CADM2: variants seen among roughly 807,000 people sequenced by gnomAD.
CADM2 encodes immunoglobulin superfamily member 4D.
In CADM2, 12 loss-of-function variants were observed where a neutral mutation model predicts 49.8. That is an observed-to-expected ratio of 0.24 (90% CI 0.15 to 0.39). The LOEUF (loss-of-function observed/expected upper bound fraction) is 0.39. Among genes scored for constraint, CADM2 ranks in the 10% least tolerant of loss-of-function variants. The pLI, the probability that CADM2 is intolerant of heterozygous loss-of-function variation, is 1.00. For synonymous variants in CADM2, 214 were observed against 175.4 expected, an observed-to-expected ratio of 1.22 and a Z score of -1.74; for missense variants, 378 against 492.3, an observed-to-expected ratio of 0.77 and a Z score of 2.20.
chr3:85,128,557 T>C (rs998419243), intron 1 of CADM2, among the ~76,000 whole-genome samples: 1 of 152,116 alleles, frequency 6.6e-6, no homozygotes, highest in African/African-American at 2.4e-5. Context: ...GTTGTAAAGG[T>C]CTTAGAAGGG....
Position 85,995,186 on chromosome 3 carries a change from G to T in CADM2, c.970+33539G>T, listed in dbSNP as rs186995370. Among the ~76,000 whole-genome samples the T allele has an allele frequency of 3.5e-3, 534 of 151,918 alleles. 7 individuals are homozygous for T. The highest frequency in any genetic ancestry group is 0.031 in the Middle Eastern group (9 of 290). On this transcript the variant is annotated intron_variant, in intron 8 of 9. Transcript: ENST00000383699. ...TAGTACTTTGCCTCTTTACTTAATG[G>T]AATATTTTAACCAAAATTCCATATT...
At chr3:85,882,712 A>G (rs1351076406) in intron 3 of CADM2, among the ~76,000 whole-genome samples, 2 of 152,210 alleles carry the variant, frequency 1.3e-5, no homozygotes, top group Non-Finnish European at 2.9e-5. Context: ...AGGTGATTCA[A>G]ACCAAAGACT....
At chr3:85,008,077 G>A (rs1359197419) in intron 1 of CADM2, among the ~76,000 whole-genome samples, 3 of 152,090 alleles carry the variant, frequency 2.0e-5, no homozygotes, top group Non-Finnish European at 4.4e-5. Flanking sequence ...ATGCCTCAGA[G>A]AGCAGTTGGC....
chr3:85,227,851 G>T (rs542299143), intron 1 of CADM2, among the ~76,000 whole-genome samples: 1 of 152,230 alleles, frequency 6.6e-6, no homozygotes, highest in African/African-American at 2.4e-5. Context: ...AATCACTCAG[G>T]ATTTGCTTGT....
At chr3:85,318,570 T>TAATA (rs1215548966) in intron 1 of CADM2, among the ~76,000 whole-genome samples, 5 of 152,300 alleles carry the variant, frequency 3.3e-5, no homozygotes, top group African/African-American at 1.2e-4. Context: ...AGGTCCAAAC[T>TAATA]AATAGTACAT....
chr3:85,070,916 G>A (rs2036710109), intron 1 of CADM2, among the ~76,000 whole-genome samples: 1 of 151,830 alleles, frequency 6.6e-6, no homozygotes, highest in Non-Finnish European at 1.5e-5. Context: ...GTGAACCCAG[G>A]AGGCGGAAGT....
Position 85,907,993 on chromosome 3 carries a change from C to T in CADM2, c.530-4380C>T, listed in dbSNP as rs868822223. On this transcript the variant is annotated intron_variant, in intron 5 of 9. Coordinates refer to ENST00000383699, the MANE Select transcript of CADM2 (RefSeq NM_001167675.2). ...CGCAAAAGTGGAGAAAGCAAATAAA[C>T]CAAAATAGTTGAGATTATACTGCTC... Among the ~76,000 whole-genome samples the T allele has an allele frequency of 2.6e-5, 4 of 151,462 alleles. No individual in the cohort carries two copies. In the South Asian group the frequency reaches 6.2e-4, roughly 24 times the overall value.
chr3:86,006,526 A>T (rs1216064039), intron 8 of CADM2, among the ~76,000 whole-genome samples: 1 of 152,086 alleles, frequency 6.6e-6, no homozygotes. Context: ...AGAAGATGAG[A>T]CTTTGAAACC....
intron 8 of CADM2, among the ~76,000 whole-genome samples, chr3:85,996,290 C>CTTT (rs397990432): frequency 1.6e-4 from 14 of 89,306 alleles, no homozygotes; most frequent in South Asian, 8.2e-4. Context: ...TTTTCATTTA[C>CTTT]TTTTTTTTTT....
At chr3:85,701,408 G>A (rs1304180943) in intron 1 of CADM2, among the ~76,000 whole-genome samples, 3 of 152,112 alleles carry the variant, frequency 2.0e-5, no homozygotes, top group African/African-American at 7.2e-5. Flanking sequence ...CTTTACCTTG[G>A]TAGATGTCAC....
chr3:85,354,435 A>G (rs1431791538), intron 1 of CADM2, among the ~76,000 whole-genome samples: 1 of 151,494 alleles, frequency 6.6e-6, no homozygotes, highest in African/African-American at 2.4e-5. Context: ...GCACACCAAC[A>G]TGGCACATGT....
chr3:85,911,543 C>T (rs751947897), intron 5 of CADM2, among the ~76,000 whole-genome samples: 5 of 152,182 alleles, frequency 3.3e-5, no homozygotes, highest in Non-Finnish European at 7.4e-5. Flanking sequence ...ATTCAGATGG[C>T]TGTGCTCCTT....
chr3:85,233,190 T>C (rs1559734676), intron 1 of CADM2, among the ~76,000 whole-genome samples: 1 of 152,140 alleles, frequency 6.6e-6, no homozygotes, highest in East Asian at 1.9e-4. Context: ...GAAAAGGCAA[T>C]ACTACTGAGA....
At chr3:85,993,219 T>C (rs1407444827) in intron 8 of CADM2, 1 of 152,128 alleles carries the variant, frequency 6.6e-6, no homozygotes, top group Non-Finnish European at 1.5e-5. Context: ...AATAAAAACA[T>C]TGGTCACTGT....
At chr3:85,053,546 C>T (rs1474798113) in intron 1 of CADM2, among the ~76,000 whole-genome samples, 1 of 151,738 alleles carries the variant, frequency 6.6e-6, no homozygotes, top group African/African-American at 2.4e-5. Context: ...GAGTGACTCC[C>T]ATAAAAGAGA....
intron 5 of CADM2, among the ~76,000 whole-genome samples, chr3:85,894,814 C>G (rs1714996089): frequency 6.6e-6 from 1 of 152,192 alleles, no homozygotes; most frequent in South Asian, 2.1e-4. Context: ...AGTCCCAAGC[C>G]TTAGTGGCTT....
intron 1 of CADM2, among the ~76,000 whole-genome samples, chr3:85,406,253 T>C (rs2035370886): frequency 6.6e-6 from 1 of 152,096 alleles, no homozygotes. Flanking sequence ...TTCCTTTGCA[T>C]TGGAGAAGAG....
intron 8 of CADM2, among the ~76,000 whole-genome samples, chr3:86,036,199 C>A (rs931110799): frequency 5.9e-5 from 9 of 152,156 alleles, no homozygotes; most frequent in East Asian, 3.9e-4. Context: ...TCTATGCCCA[C>A]AGGAGAACTT....
chr3:85,834,925 T>C (rs1353300370), intron 3 of CADM2, among the ~76,000 whole-genome samples: 2 of 151,628 alleles, frequency 1.3e-5, no homozygotes, highest in African/African-American at 4.8e-5. Flanking sequence ...GAAATCTAAC[T>C]AGATTAGCCA....
Sources: gnomAD v4.1 joint callset for allele counts (sites outside exome capture counted in the v4.1 genomes callset) on GRCh38, gnomAD v4.1.1 for gene constraint, MANE v1.5 for transcripts, NCBI Gene and HGNC (gene_info 2026-07-23, HGNC 2026-07-21) for gene names.